Variants in GSPT1 observed in about 807,000 individuals in gnomAD.
The protein encoded by GSPT1 is G1 to S phase transition 1.
A neutral mutation model predicts 72.5 loss-of-function variants in GSPT1; 20 were observed. The ratio of observed to expected loss-of-function variants is 0.28; its 90% CI spans 0.19 to 0.40. The LOEUF (loss-of-function observed/expected upper bound fraction) is 0.40, where lower values mean the gene tolerates loss of function less well. GSPT1 is among the 10% of genes least tolerant of loss of function. The pLI is 1.00. For missense variants in GSPT1, 580 were observed against 811.9 expected (o/e 0.71, Z 3.47); for synonymous variants, 334 against 293.5 (o/e 1.14, Z -1.41).
In GSPT1 at chr16:11,869,905, G is replaced by A. The variant is rs1463110345; in HGVS notation, c.*3214C>T. ...GTTGCAAAACTGCATCTGGCTGCAA[G>A]TCTAACCCAAAATATTCGCAGCGTA... On this transcript the variant is annotated 3_prime_UTR_variant, in exon 15 of 15. Transcript: ENST00000434724. 1.3e-5 allele frequency: 2 copies of A among 152,194 alleles called. No individual in the cohort carries two copies. Among genetic ancestry groups the A allele is most frequent in the African/African-American group, 4.8e-5 (2 of 41,440 alleles). The allele number at this position is 152,194 out of a possible 1,614,324, so 9.4% of individuals were successfully genotyped here.
At chr16:11,904,808 G>A (rs766899533) in intron 1 of GSPT1, among the ~76,000 whole-genome samples, 3 of 152,158 alleles carry the variant, frequency 2.0e-5, no homozygotes, top group Non-Finnish European at 2.9e-5. Context: ...TCTTCAAGCC[G>A]GGTGTAGTGG....
chr16:11,912,347 C>CAAA (rs57472965), intron 1 of GSPT1, among the ~76,000 whole-genome samples: 1 of 110,768 alleles, frequency 9.0e-6, no homozygotes, highest in Admixed American at 9.1e-5. Context: ...GACTCCGTCT[C>CAAA]AAAAAAAAAA....
intron 1 of GSPT1, among the ~76,000 whole-genome samples, chr16:11,913,157 A>C (rs867511216): frequency 6.6e-6 from 1 of 152,206 alleles, no homozygotes; most frequent in African/African-American, 2.4e-5. Flanking sequence ...GCTTTTTATA[A>C]GCACTGATTG....
intron 5 of GSPT1, among the ~76,000 whole-genome samples, chr16:11,892,829 CA>C (rs57546698): frequency 0.026 from 794 of 31,110 alleles, 2 homozygotes; most frequent in African/African-American, 0.055. Context: ...GATTCTGTCT[CA>C]AAAAAAAAAA....
At chr16:11,910,254 G>C (rs1310520109) in intron 1 of GSPT1, among the ~76,000 whole-genome samples, 1 of 152,192 alleles carries the variant, frequency 6.6e-6, no homozygotes, top group African/African-American at 2.4e-5. Flanking sequence ...TTTTATGAGA[G>C]TGACAAGACT....
At chr16:11,886,748 A>G in intron 8 of GSPT1, 29 bp downstream of exon 8, 1 of 1,600,998 alleles carries the variant, frequency 6.2e-7, no homozygotes, top group South Asian at 1.1e-5. Context: ...TAATCCCACT[A>G]ACATAAAATA....
chr16:11,913,249 T>G (rs1393504427), intron 1 of GSPT1, among the ~76,000 whole-genome samples: 1 of 152,250 alleles, frequency 6.6e-6, no homozygotes, highest in African/African-American at 2.4e-5. Flanking sequence ...GACCTCAACT[T>G]AGAAAATCAG....
At position 11,887,642 on chromosome 16, in the gene GSPT1, T is replaced by C; in HGVS notation, c.885A>G (p.Leu295=). The change falls in exon 7 of 15, where the codon CTA becomes CTG. Residue 295 remains leucine (L), a synonymous_variant. Coordinates refer to ENST00000434724, the MANE Select transcript of GSPT1 (RefSeq NM_002094.4). ...FETEKKHFTI[L]DAPGHKSFVP... ...CAAAACTCTTGTGGCCAGGGGCATC[T>C]AGAATTGTGAAATGCTTCTTTTCGG... 6.2e-7 allele frequency: 1 copy of C among 1,613,816 alleles called. No individual in the cohort carries two copies. Among genetic ancestry groups the C allele is most frequent in the South Asian group, 1.1e-5 (1 of 91,080 alleles).
Position 11,869,163 on chromosome 16 carries a change from G to GAATT in GSPT1, c.*3952_*3955dup, listed in dbSNP as rs2053951214. The GAATT allele has an allele frequency of 6.6e-6, 1 of 152,092 alleles. No homozygotes were observed. The highest frequency in any genetic ancestry group is 2.1e-4 in the South Asian group (1 of 4,824). The allele number at this position is 152,092 out of a possible 1,614,324, so 9.4% of individuals were successfully genotyped here. Reference sequence around the variant, plus strand: ...TAAACTGGGTCAAATGGAATCCACGGAATTACTACTGGAAAATAAAAACAC... The same window carrying GAATT: ...TAAACTGGGTCAAATGGAATCCACGGAATTAATTACTACTGGAAAATAAAAACAC... On this transcript the variant is annotated 3_prime_UTR_variant, in exon 15 of 15. Coordinates refer to ENST00000434724, the MANE Select transcript of GSPT1 (RefSeq NM_002094.4).
intron 5 of GSPT1, among the ~76,000 whole-genome samples, chr16:11,893,641 G>C (rs2054297940): frequency 6.6e-6 from 1 of 152,072 alleles, no homozygotes; most frequent in Admixed American, 6.6e-5. Flanking sequence ...TCTCCACGTA[G>C]ACATCTATAG....
At position 11,870,809 on chromosome 16, in the gene GSPT1, A is replaced by G. The variant is rs2053969630; in HGVS notation, c.*2310T>C. 1 of 152,234 alleles carries G rather than the reference A, an allele frequency of 6.6e-6. No individual in the cohort carries two copies. The highest frequency in any genetic ancestry group is 2.4e-5 in the African/African-American group (1 of 41,464). The allele number at this position is 152,234 out of a possible 1,614,324, so 9.4% of individuals were successfully genotyped here. Reference sequence around the variant, plus strand: ...AGAATCCAGTGGAATTTTTACAGTTACATTTGTATTTGTATGACCTGTTAC... The same window carrying G: ...AGAATCCAGTGGAATTTTTACAGTTGCATTTGTATTTGTATGACCTGTTAC... On this transcript the variant is annotated 3_prime_UTR_variant, in exon 15 of 15. Transcript: ENST00000434724.
chr16:11,887,381 G>C (rs544251720), intron 7 of GSPT1, among the ~76,000 whole-genome samples, 189 bp downstream of exon 7: 1 of 152,088 alleles, frequency 6.6e-6, no homozygotes, highest in African/African-American at 2.4e-5. Context: ...AAGGTGAAAC[G>C]TATTTTCAGA....
chr16:11,915,161 C>A (rs773035811), intron 1 of GSPT1: 29 of 1,030,980 alleles, frequency 2.8e-5, no homozygotes, highest in Non-Finnish European at 3.1e-5. Flanking sequence ...GCGCGCTGCC[C>A]GCTGTCCGCT....
chr16:11,891,772 C>T (rs1417150534), intron 5 of GSPT1, among the ~76,000 whole-genome samples: 2 of 151,368 alleles, frequency 1.3e-5, no homozygotes, highest in Non-Finnish European at 2.9e-5. Flanking sequence ...AAGCGATTCT[C>T]CTGTCTCAGC....
chr16:11,909,959 G>A (rs148689000), intron 1 of GSPT1, among the ~76,000 whole-genome samples: 62 of 152,036 alleles, frequency 4.1e-4, no homozygotes, highest in African/African-American at 7.0e-4. Flanking sequence ...TTAGCCAGGC[G>A]TCATGGTGGG....
At chr16:11,889,593 C>T (rs912704487) in intron 6 of GSPT1, among the ~76,000 whole-genome samples, 4 of 151,444 alleles carry the variant, frequency 2.6e-5, no homozygotes, top group African/African-American at 2.4e-5. Context: ...CCGCAACCTC[C>T]GCCTCCCAGG....
At chr16:11,888,979 C>A (rs1227879614) in intron 6 of GSPT1, among the ~76,000 whole-genome samples, 1 of 152,068 alleles carries the variant, frequency 6.6e-6, no homozygotes, top group Non-Finnish European at 1.5e-5. Context: ...AAATACAACA[C>A]AAATAATGGC....
chr16:11,897,787 G>C, intron 3 of GSPT1, 53 bp downstream of exon 3: 2 of 869,790 alleles, frequency 2.3e-6, no homozygotes, highest in Non-Finnish European at 3.8e-6. Flanking sequence ...CTTAAATCTT[G>C]AGAGTGAAAG....
intron 14 of GSPT1, among the ~76,000 whole-genome samples, chr16:11,874,857 A>G (rs1176064472): frequency 1.3e-5 from 2 of 152,188 alleles, no homozygotes; most frequent in Admixed American, 6.6e-5. Context: ...AGTTTTATGT[A>G]AAGTCTTCTA....
Sources: allele counts gnomAD v4.1 joint callset (sites outside exome capture counted in the v4.1 genomes callset), GRCh38; gene constraint gnomAD v4.1.1; transcripts MANE v1.5; gene names NCBI Gene and HGNC (gene_info 2026-07-23, HGNC 2026-07-21).